CDKL4: variants seen among roughly 807,000 people sequenced by gnomAD.
CDKL4 encodes the protein cyclin-dependent kinase-like 4.
CDKL4 carries 44 observed loss-of-function variants against 42.0 expected under a neutral mutation model. The ratio of observed to expected loss-of-function variants is 1.05; its 90% confidence interval spans 0.82 to 1.35. The LOEUF (loss-of-function observed/expected upper bound fraction) is 1.35, where lower values mean the gene tolerates loss of function less well. Among genes scored for constraint, CDKL4 ranks in the 40% most tolerant of loss-of-function variants. The probability of loss-of-function intolerance (pLI) is 0.00; values close to 1 mark genes in which losing one functional copy is unlikely to be tolerated. For missense variants in CDKL4, 393 were observed against 369.9 expected, an observed-to-expected ratio of 1.06 and a Z score of -0.51; for synonymous variants, 120 against 121.6, an observed-to-expected ratio of 0.99 and a Z score of 0.09.
downstream of CDKL4, among the ~76,000 whole-genome samples, chr2:39,170,729 A>G (rs1674977552): frequency 6.6e-6 from 1 of 152,106 alleles, no homozygotes; most frequent in African/African-American, 2.4e-5. Flanking sequence ...TGCTGGGATT[A>G]CAGATGTGAG....
chr2:39,190,236 T>TA (rs1676097121), intron 6 of CDKL4, 69 bp downstream of exon 6: 2 of 1,024,610 alleles, frequency 2.0e-6, no homozygotes, highest in Admixed American at 5.7e-5. Flanking sequence ...TTTATTTATT[T>TA]TTTATTATAG....
intron 6 of CDKL4, among the ~76,000 whole-genome samples, chr2:39,188,881 G>A (rs1286767284): frequency 6.6e-6 from 1 of 151,994 alleles, no homozygotes; most frequent in East Asian, 1.9e-4. Context: ...TTGCAGATAT[G>A]GGGTCTGCCT....
intron 3 of CDKL4, 35 bp from the exon 4 acceptor site, chr2:39,213,507 A>T: frequency 6.9e-7 from 1 of 1,453,760 alleles, no homozygotes; most frequent in East Asian, 2.3e-5. Flanking sequence ...ATGAAAACTC[A>T]TAGGATAGAG....
At chr2:39,207,830 G>A (rs1179388986) in intron 4 of CDKL4, among the ~76,000 whole-genome samples, 1 of 152,164 alleles carries the variant, frequency 6.6e-6, no homozygotes, top group Non-Finnish European at 1.5e-5. Context: ...GGCTGGGCGT[G>A]GTGGCTCATG....
chr2:39,192,239 C>A (rs1226137248), intron 5 of CDKL4, among the ~76,000 whole-genome samples: 1 of 152,126 alleles, frequency 6.6e-6, no homozygotes, highest in Non-Finnish European at 1.5e-5. Context: ...CTGCAGAGAA[C>A]ATGAAAAAAT....
At chr2:39,218,859 C>T (rs1678119525) in intron 3 of CDKL4, among the ~76,000 whole-genome samples, 1 of 152,174 alleles carries the variant, frequency 6.6e-6, no homozygotes, top group Non-Finnish European at 1.5e-5. Flanking sequence ...TGGAACTTCT[C>T]TCCCTCCATA....
intron 1 of CDKL4, among the ~76,000 whole-genome samples, chr2:39,231,593 T>C (rs1247358159): frequency 6.6e-6 from 1 of 152,258 alleles, no homozygotes; most frequent in African/African-American, 2.4e-5. Flanking sequence ...AAGTAACACA[T>C]GGAAAATCCA....
chr2:39,207,474 C>T (rs1677273833), intron 4 of CDKL4, among the ~76,000 whole-genome samples: 1 of 152,168 alleles, frequency 6.6e-6, no homozygotes, highest in Admixed American at 6.5e-5. Flanking sequence ...TAGACTAACA[C>T]TCTGAGTCAG....
At chr2:39,229,753 T>C (rs1003658459) in intron 1 of CDKL4, among the ~76,000 whole-genome samples, 165 bp from the exon 2 acceptor site, 1 of 152,270 alleles carries the variant, frequency 6.6e-6, no homozygotes, top group Non-Finnish European at 1.5e-5. Context: ...TTTAGTCCTC[T>C]GCAGCTCTTC....
intron 9 of CDKL4, among the ~76,000 whole-genome samples, chr2:39,176,569 G>C (rs1488055423): frequency 6.6e-6 from 1 of 152,152 alleles, no homozygotes. Context: ...AAGTAGCTGA[G>C]ATTACAGGTG....
intron 5 of CDKL4, among the ~76,000 whole-genome samples, chr2:39,194,624 T>A (rs1362484269): frequency 1.3e-5 from 2 of 152,248 alleles, no homozygotes; most frequent in Non-Finnish European, 2.9e-5. Context: ...TGTCAATATC[T>A]TGCTAATTTT....
intron 4 of CDKL4, among the ~76,000 whole-genome samples, chr2:39,209,106 C>T (rs1196596823): frequency 1.5e-4 from 22 of 150,500 alleles, no homozygotes; most frequent in Non-Finnish European, 3.2e-4. Flanking sequence ...TTTGAGACCA[C>T]CCTGGGCAAC....
At chr2:39,212,216 G>A (rs887530443) in intron 4 of CDKL4, among the ~76,000 whole-genome samples, 1 of 151,832 alleles carries the variant, frequency 6.6e-6, no homozygotes, top group Admixed American at 6.6e-5. Flanking sequence ...GAGAACTACG[G>A]CTATAAAAAA....
chr2:39,233,545 G>A (rs1679190884), intron 1 of CDKL4, among the ~76,000 whole-genome samples: 1 of 152,138 alleles, frequency 6.6e-6, no homozygotes, highest in Non-Finnish European at 1.5e-5. Flanking sequence ...TGTCATCAAT[G>A]AAAGAAACTG....
intron 3 of CDKL4, among the ~76,000 whole-genome samples, chr2:39,216,233 T>C (rs1677907250): frequency 6.6e-6 from 1 of 152,162 alleles, no homozygotes; most frequent in Non-Finnish European, 1.5e-5. Context: ...GTTCTGGAGA[T>C]ACAGGTCTGA....
At chr2:39,186,680 T>C (rs1271681027) in intron 7 of CDKL4, among the ~76,000 whole-genome samples, 1 of 152,130 alleles carries the variant, frequency 6.6e-6, no homozygotes, top group African/African-American at 2.4e-5. Context: ...CATGTAAAAA[T>C]ATATGTTGTG....
chr2:39,172,154 C>CA (rs941682558), downstream of CDKL4, among the ~76,000 whole-genome samples: 2 of 151,060 alleles, frequency 1.3e-5, no homozygotes, highest in Non-Finnish European at 3.0e-5. Context: ...ACTAAAAATA[C>CA]AAAAAAAATT....
intron 3 of CDKL4, among the ~76,000 whole-genome samples, chr2:39,216,440 C>G (rs915157290): frequency 1.3e-5 from 2 of 152,062 alleles, no homozygotes; most frequent in Non-Finnish European, 2.9e-5. Context: ...AGATCTAGAT[C>G]TCAATAAGAA....
upstream of CDKL4, among the ~76,000 whole-genome samples, chr2:39,245,883 T>C (rs1006354846): frequency 1.4e-4 from 21 of 152,208 alleles, no homozygotes; most frequent in Non-Finnish European, 2.6e-4. Context: ...CACCTAGCAT[T>C]GTACTAGTAC....
Sources: allele counts gnomAD v4.1 joint callset (sites outside exome capture counted in the v4.1 genomes callset), GRCh38; gene constraint gnomAD v4.1.1; transcripts MANE v1.5; gene names NCBI Gene and HGNC (gene_info 2026-07-23, HGNC 2026-07-21).